Variants in SLC22A3 observed in about 807,000 individuals in gnomAD.
SLC22A3 encodes solute carrier family 22 member 3.
In SLC22A3, 51 loss-of-function variants were observed where a neutral mutation model predicts 59.1. The ratio of observed to expected loss-of-function variants is 0.86; its 90% CI spans 0.69 to 1.09. The LOEUF is 1.09. SLC22A3 is among the 50% of genes least tolerant of loss of function. The pLI, the probability that SLC22A3 is intolerant of heterozygous loss-of-function variation, is 0.00. For missense variants in SLC22A3, 711 were observed against 726.3 expected, an observed-to-expected ratio of 0.98 and a Z score of 0.24; for synonymous variants, 325 against 292.0, an observed-to-expected ratio of 1.11 and a Z score of -1.15.
At chr6:160,445,652 A>G (rs1194423872) in intron 9 of SLC22A3, among the ~76,000 whole-genome samples, 1 of 152,146 alleles carries the variant, frequency 6.6e-6, no homozygotes, top group Non-Finnish European at 1.5e-5. Context: ...AGGGATGGCA[A>G]TGGGAATGGA....
At chr6:160,353,446 A>G (rs1784726963) in intron 1 of SLC22A3, among the ~76,000 whole-genome samples, 1 of 152,180 alleles carries the variant, frequency 6.6e-6, no homozygotes, top group African/African-American at 2.4e-5. Flanking sequence ...TGGCAGGGAA[A>G]ATTGCAGCGA....
intron 1 of SLC22A3, among the ~76,000 whole-genome samples, chr6:160,379,967 A>G (rs1168504164): frequency 1.3e-5 from 2 of 152,346 alleles, no homozygotes; most frequent in East Asian, 3.9e-4. Context: ...AATTATATGA[A>G]GAAGTTGTAA....
chr6:160,364,455 A>G (rs1482264039), intron 1 of SLC22A3, among the ~76,000 whole-genome samples: 1 of 152,238 alleles, frequency 6.6e-6, no homozygotes, highest in Non-Finnish European at 1.5e-5. Context: ...CAATAACTGC[A>G]GTCATATTGT....
intron 5 of SLC22A3, among the ~76,000 whole-genome samples, chr6:160,416,574 G>T (rs1033655579): frequency 1.3e-5 from 2 of 152,074 alleles, no homozygotes; most frequent in African/African-American, 4.8e-5. Context: ...ATCATCCACT[G>T]ACCCCAGAGA....
At position 160,407,142 on chromosome 6, in the gene SLC22A3, G is replaced by A. The variant is rs199688797; in HGVS notation, c.635G>A (p.Arg212His). 39 of 1,612,214 alleles carry A rather than the reference G, an allele frequency of 2.4e-5. No individual in the cohort carries two copies. The highest frequency in any genetic ancestry group is 1.6e-4 in the African/African-American group (12 of 74,900). Residue 212 changes from arginine (R) to histidine (H), a missense_variant, in exon 3 of 11, where the codon CGC (arginine) becomes CAC (histidine). Physicochemically the swap from Arg to His is conservative, Grantham distance 29. Transcript: ENST00000275300. ...APNFPVFVIF[R>H]FLQGVFGKGT... is the part of the protein sequence containing the mutation. ...AACTTCCCTGTGTTTGTGATCTTCC[G>A]CTTCCTGCAAGGTGTATTTGGAAAG...
At chr6:160,441,725 A>G (rs1290574498) in intron 7 of SLC22A3, among the ~76,000 whole-genome samples, 1 of 151,514 alleles carries the variant, frequency 6.6e-6, no homozygotes, top group Admixed American at 6.6e-5. Flanking sequence ...TATATTCAGG[A>G]AGGTTCAATA....
chr6:160,394,670 G>C (rs1786400285), intron 1 of SLC22A3, among the ~76,000 whole-genome samples: 1 of 152,350 alleles, frequency 6.6e-6, no homozygotes, highest in Admixed American at 6.5e-5. Flanking sequence ...AACCAGGCTA[G>C]GTATTTTAAC....
At chr6:160,402,079 A>C (rs988073341) in intron 2 of SLC22A3, among the ~76,000 whole-genome samples, 1 of 152,000 alleles carries the variant, frequency 6.6e-6, no homozygotes, top group African/African-American at 2.4e-5. Context: ...AGCCAACTAA[A>C]AGACAGAGAT....
chr6:160,349,354 G>A (rs1268129435), intron 1 of SLC22A3, among the ~76,000 whole-genome samples: 1 of 152,186 alleles, frequency 6.6e-6, no homozygotes, highest in Non-Finnish European at 1.5e-5. Context: ...TTGCCCAAAT[G>A]GTTACTCAAA....
At chr6:160,444,813 T>C (rs1332087057) in intron 9 of SLC22A3, among the ~76,000 whole-genome samples, 1 of 152,234 alleles carries the variant, frequency 6.6e-6, no homozygotes, top group Non-Finnish European at 1.5e-5. Flanking sequence ...ACTGAGCCCA[T>C]GAGGACAGAC....
chr6:160,395,652 G>C (rs1281054609), intron 1 of SLC22A3, among the ~76,000 whole-genome samples: 1 of 152,146 alleles, frequency 6.6e-6, no homozygotes, highest in Non-Finnish European at 1.5e-5. Flanking sequence ...AACCAAAATT[G>C]ATAATAAAAA....
intron 10 of SLC22A3, 51 bp downstream of exon 10, chr6:160,447,869 C>T (rs377203338): frequency 8.7e-5 from 114 of 1,306,954 alleles, no homozygotes; most frequent in Admixed American, 1.2e-4. Context: ...TTTAAAACCA[C>T]GGGGGAAAGA....
intron 1 of SLC22A3, among the ~76,000 whole-genome samples, chr6:160,376,307 T>A (rs1785588573): frequency 1.3e-5 from 2 of 150,402 alleles, no homozygotes; most frequent in African/African-American, 4.9e-5. Flanking sequence ...ACACATGGAC[T>A]CAGGCAGGGG....
At chr6:160,450,413 G>C (rs1472850986) in intron 10 of SLC22A3, among the ~76,000 whole-genome samples, 13 of 152,248 alleles carry the variant, frequency 8.5e-5, no homozygotes, top group Non-Finnish European at 1.5e-5. Context: ...GTCTTCTCTT[G>C]TTCCCTGAAA....
At position 160,395,344 on chromosome 6, in the gene SLC22A3, A is replaced by G. The variant is rs145220199; in HGVS notation, c.430-2635A>G. On this transcript the variant is annotated intron_variant, in intron 1 of 10. Transcript: ENST00000275300. ...AGGCAAGCTCTTGATAGGCCTTGCT[A>G]TGTCATCTACGAAAAGCACTCCTGT... 9.2e-5 allele frequency among the ~76,000 whole-genome samples: 14 copies of G among 152,320 alleles called. No homozygotes were observed. In the East Asian group the frequency reaches 2.7e-3, roughly 29 times the overall value.
chr6:160,424,789 C>A (rs529761177), intron 5 of SLC22A3, among the ~76,000 whole-genome samples: 1 of 152,264 alleles, frequency 6.6e-6, no homozygotes, highest in Admixed American at 6.5e-5. Context: ...CAACACATGA[C>A]AAATAGTTTA....
intron 5 of SLC22A3, among the ~76,000 whole-genome samples, chr6:160,414,892 C>T (rs748443416): frequency 6.6e-6 from 1 of 152,184 alleles, no homozygotes; most frequent in Non-Finnish European, 1.5e-5. Context: ...GGTGAGTACT[C>T]TTTCGGATGC....
intron 1 of SLC22A3, among the ~76,000 whole-genome samples, chr6:160,384,717 G>T (rs932563875): frequency 6.6e-6 from 1 of 152,098 alleles, no homozygotes; most frequent in Non-Finnish European, 1.5e-5. Flanking sequence ...CCTGCTGCTC[G>T]ACTCCCACCT....
chr6:160,398,087 G>A lies in SLC22A3; in HGVS notation c.533+5G>A. On this transcript the variant is annotated splice_donor_5th_base_variant and intron_variant, in intron 2 of 10. Transcript: ENST00000275300. ...CTTAGGCTATGCAGCAGACAGGTAG[G>A]TACCAATGTGACAGCCATTTTATGT... 1 of 1,604,402 alleles carries A rather than the reference G, an allele frequency of 6.2e-7. No homozygotes were observed. Among genetic ancestry groups the A allele is most frequent in the East Asian group, 2.2e-5 (1 of 44,798 alleles).
Sources: allele counts gnomAD v4.1 joint callset (sites outside exome capture counted in the v4.1 genomes callset), GRCh38; gene constraint gnomAD v4.1.1; transcripts MANE v1.5; gene names NCBI Gene and HGNC (gene_info 2026-07-23, HGNC 2026-07-21).